The following CSMD2 variants were observed in gnomAD, a reference collection of about 807,000 sequenced individuals.
The protein encoded by CSMD2 is CUB and sushi domain-containing protein 2.
Under a neutral mutation model 398.5 loss-of-function variants are expected in CSMD2, and 130 were observed. That is an observed-to-expected ratio of 0.33 (90% CI 0.28 to 0.38). The LOEUF (loss-of-function observed/expected upper bound fraction) is 0.38, where lower values mean the gene tolerates loss of function less well. CSMD2 is among the 10% of genes least tolerant of loss of function. CSMD2 has a pLI of 1.00. For missense variants in CSMD2, 3,829 were observed against 4,764.9 expected (o/e 0.80, Z 5.78); for synonymous variants, 1,828 against 1,908.5 (o/e 0.96, Z 1.10).
chr1:33,844,187 T>TA (rs1661134546), intron 6 of CSMD2, among the ~76,000 whole-genome samples: 1 of 152,224 alleles, frequency 6.6e-6, no homozygotes, highest in African/African-American at 2.4e-5. Flanking sequence ...CCAGAGTTTT[T>TA]ATTCCTTCAG....
chr1:33,784,429 A>G (rs746744575), intron 12 of CSMD2, among the ~76,000 whole-genome samples: 5 of 152,148 alleles, frequency 3.3e-5, no homozygotes, highest in Admixed American at 2.6e-4. Flanking sequence ...CCCCTCATAT[A>G]AAAAGTCAAA....
chr1:33,690,406 C>A (rs1645197071), intron 25 of CSMD2, among the ~76,000 whole-genome samples: 1 of 152,310 alleles, frequency 6.6e-6, no homozygotes, highest in African/African-American at 2.4e-5. Flanking sequence ...TCCTGTCCTG[C>A]TTTTTCATTC....
chr1:33,627,390 G>A (rs776886723), intron 32 of CSMD2, among the ~76,000 whole-genome samples: 2 of 152,108 alleles, frequency 1.3e-5, no homozygotes, highest in African/African-American at 4.8e-5. Flanking sequence ...CTGGGGAAGC[G>A]CAGGGAGAAC....
chr1:33,692,807 T>G, intron 25 of CSMD2, 123 bp downstream of exon 25: 1 of 1,234,604 alleles, frequency 8.1e-7, no homozygotes, highest in Non-Finnish European at 1.2e-6. Flanking sequence ...CAACCACTAT[T>G]GATCACAAGG....
chr1:33,636,607 G>A lies in CSMD2; in HGVS notation c.4775-53C>T. 6.6e-7 allele frequency: 1 copy of A among 1,504,866 alleles called. No individual in the cohort carries two copies. The highest frequency in any genetic ancestry group is 9.2e-7 in the Non-Finnish European group (1 of 1,090,050). 93.2% of individuals were successfully genotyped at this position (1,504,866 alleles called of 1,614,324 possible). A position where few individuals can be genotyped will look rare whatever the true frequency, so the allele number is the denominator to read the frequency against. ...ACACACACAGAGGGCTCATGAGGAG[G>A]CTATTCTTGGGCTCCAGTGCCCATG... On this transcript the variant is annotated intron_variant, in intron 29 of 70. Coordinates refer to ENST00000373381, the MANE Select transcript of CSMD2 (RefSeq NM_001281956.2). This position sits in a 1 kb window ranked among gnomAD's most constrained non-coding sequence, Gnocchi z 4.8.
chr1:33,851,714 A>G (rs1204614007), intron 5 of CSMD2, among the ~76,000 whole-genome samples: 1 of 152,134 alleles, frequency 6.6e-6, no homozygotes, highest in Non-Finnish European at 1.5e-5. Context: ...CTTGACACCC[A>G]TTCTTATCAA....
chr1:33,765,157 A>G (rs1650332382), intron 13 of CSMD2, among the ~76,000 whole-genome samples: 1 of 152,196 alleles, frequency 6.6e-6, no homozygotes, highest in Admixed American at 6.5e-5. Flanking sequence ...TTATATTTTA[A>G]CAGGAGTGCA....
chr1:33,675,813 T>C lies in CSMD2; in HGVS notation c.4053-12721A>G, dbSNP rs182879545. ...GCAAGACTGGTTCAACATACGCAAA[T>C]CAATAAACATAATCCAGCATATAAA... On this transcript the variant is annotated intron_variant, in intron 25 of 70. Transcript: ENST00000373381. Among the ~76,000 whole-genome samples, 386 of 152,218 alleles carry C rather than the reference T, an allele frequency of 2.5e-3. 3 individuals are homozygous for C. The highest frequency in any genetic ancestry group is 8.5e-3 in the African/African-American group (354 of 41,520).
chr1:33,569,718 G>C (rs566708224), intron 51 of CSMD2, among the ~76,000 whole-genome samples, 171 bp from the exon 52 acceptor site: 3 of 152,280 alleles, frequency 2.0e-5, no homozygotes, highest in Admixed American at 6.5e-5. Flanking sequence ...ACCTCAACTG[G>C]AGGTGTCTCC....
intron 11 of CSMD2, among the ~76,000 whole-genome samples, chr1:33,791,405 C>T (rs1375744597): frequency 1.3e-5 from 2 of 152,192 alleles, no homozygotes; most frequent in Non-Finnish European, 2.9e-5. Context: ...CACTCCACCT[C>T]CTTCCTGGAA....
At chr1:34,137,184 G>A (rs190253864) in intron 1 of CSMD2, among the ~76,000 whole-genome samples, 10 of 151,334 alleles carry the variant, frequency 6.6e-5, no homozygotes, top group South Asian at 2.1e-4. Context: ...CCATCCATCC[G>A]TCCACCCATC....
rs1055218802 is a variant in CSMD2 at position 33,519,365 on chromosome 1, T to A, written c.*53+100A>T. On this transcript the variant is annotated intron_variant, in intron 70 of 70. Transcript: ENST00000373381. The surrounding 1 kb of genome is among the most constrained non-coding windows in gnomAD (Gnocchi z 5.6). Reference sequence around the variant, plus strand: ...CACAGCTCTCCTCTTACTGGGTGTGTCTATGTGGTGTGTGCGACTCCGTTG... The same window carrying A: ...CACAGCTCTCCTCTTACTGGGTGTGACTATGTGGTGTGTGCGACTCCGTTG... The A allele has an allele frequency of 7.4e-6, 5 of 680,092 alleles. No homozygotes were observed. The highest frequency in any genetic ancestry group is 1.3e-5 in the Non-Finnish European group (5 of 396,060). The allele number at this position is 680,092 out of a possible 1,614,324, so 42.1% of individuals were successfully genotyped here. A position where few individuals can be genotyped will look rare whatever the true frequency, so the allele number is the denominator to read the frequency against.
intron 1 of CSMD2, among the ~76,000 whole-genome samples, chr1:34,162,882 G>GAAGAA (rs994717631): frequency 1.3e-5 from 2 of 152,114 alleles, no homozygotes; most frequent in African/African-American, 4.8e-5. Flanking sequence ...AAAAGAAAGA[G>GAAGAA]AAGAAAAGAA....
chr1:34,091,202 C>T (rs968196074), intron 1 of CSMD2, among the ~76,000 whole-genome samples: 1 of 152,180 alleles, frequency 6.6e-6, no homozygotes, highest in African/African-American at 2.4e-5. Context: ...TTCATGAGAG[C>T]AGACACCACA....
At chr1:33,997,217 G>A (rs1397130900) in intron 3 of CSMD2, among the ~76,000 whole-genome samples, 1 of 152,178 alleles carries the variant, frequency 6.6e-6, no homozygotes, top group African/African-American at 2.4e-5. Context: ...CCAACAGGAA[G>A]GACTTGGAGA....
At chr1:33,676,403 G>A (rs1644712377) in intron 25 of CSMD2, among the ~76,000 whole-genome samples, 1 of 152,140 alleles carries the variant, frequency 6.6e-6, no homozygotes, top group Non-Finnish European at 1.5e-5. Flanking sequence ...AACTTACAAG[G>A]GATGTGAAGG....
intron 15 of CSMD2, among the ~76,000 whole-genome samples, chr1:33,728,288 C>T (rs192779133): frequency 3.6e-4 from 54 of 151,896 alleles, no homozygotes; most frequent in African/African-American, 1.2e-3. Context: ...GTAGATTTCT[C>T]GAGGTAATCA....
Position 33,567,851 on chromosome 1 carries a change from G to C in CSMD2, c.8132-10C>G. 36 of 1,559,516 alleles carry C rather than the reference G, an allele frequency of 2.3e-5. No individual in the cohort carries two copies. The highest frequency in any genetic ancestry group is 3.1e-5 in the Non-Finnish European group (36 of 1,151,556). On this transcript the variant is annotated splice_polypyrimidine_tract_variant and intron_variant, in intron 52 of 70. Transcript: ENST00000373381. ...AGCTTGGTCTGAGTGGCTAGAGACAGGGATGGTGGGGAAAAGGACCAACTA... is the reference window on the plus strand; with the variant it reads ...AGCTTGGTCTGAGTGGCTAGAGACACGGATGGTGGGGAAAAGGACCAACTA...
chr1:34,130,084 T>C (rs892016974), intron 1 of CSMD2, among the ~76,000 whole-genome samples: 6 of 152,182 alleles, frequency 3.9e-5, no homozygotes, highest in African/African-American at 1.4e-4. Context: ...GTGCCTTTCA[T>C]TCATGCAACT....
Sources: allele counts gnomAD v4.1 joint callset (sites outside exome capture counted in the v4.1 genomes callset), GRCh38; gene constraint gnomAD v4.1.1; non-coding constraint Gnocchi (gnomAD v3.1); transcripts MANE v1.5; gene names NCBI Gene and HGNC (gene_info 2026-07-23, HGNC 2026-07-21).